PARD3: variants seen among roughly 807,000 people sequenced by gnomAD.
PARD3 encodes the protein par-3 family cell polarity regulator, also known as partitioning defective 3 homolog.
PARD3 carries 75 observed loss-of-function variants against 155.4 expected under a neutral mutation model. The ratio of observed to expected loss-of-function variants is 0.48; its 90% CI spans 0.40 to 0.58. PARD3 has a LOEUF of 0.58. PARD3 is among the 20% of genes least tolerant of loss of function. PARD3 has a pLI of 0.00. For synonymous variants in PARD3, 576 were observed against 610.5 expected (o/e 0.94, Z 0.83); for missense variants, 1,642 against 1,721.7 (o/e 0.95, Z 0.82).
Position 34,351,891 on chromosome 10 carries a change from T to G in PARD3, c.2068-3776A>C, listed in dbSNP as rs544207122. 1.1e-4 allele frequency among the ~76,000 whole-genome samples: 17 copies of G among 152,380 alleles called. No homozygotes were observed. The East Asian group carries it at 2.9e-3, about 26-fold the overall frequency. On this transcript the variant is annotated intron_variant, in intron 14 of 24. Coordinates refer to ENST00000374788, the MANE Select transcript of PARD3 (RefSeq NM_001184785.2). ...GCAAATCATTTGACCTCTTTGCATT[T>G]ATTTCTTAATACAGAAAATGAAGAG... is the stretch of plus-strand genomic sequence containing the variant.
intron 4 of PARD3, among the ~76,000 whole-genome samples, chr10:34,467,333 G>GTGTT (rs1167111843): frequency 7.1e-6 from 1 of 140,594 alleles, no homozygotes; most frequent in Non-Finnish European, 1.5e-5. Flanking sequence ...TCCAACTTGT[G>GTGTT]TGTGTGTGTG....
intron 22 of PARD3, among the ~76,000 whole-genome samples, chr10:34,139,027 T>C (rs1172944778): frequency 6.6e-6 from 1 of 151,916 alleles, no homozygotes; most frequent in Non-Finnish European, 1.5e-5. Context: ...AGTTTTCCCA[T>C]GTACACATCA....
intron 2 of PARD3, among the ~76,000 whole-genome samples, chr10:34,631,514 G>T (rs958867861): frequency 1.3e-5 from 2 of 152,186 alleles, no homozygotes; most frequent in Admixed American, 1.3e-4. Context: ...TGCCTGCCCA[G>T]GTAACTGATG....
chr10:34,750,030 TACACACACACACACACACAC>T (rs71984849), intron 1 of PARD3, among the ~76,000 whole-genome samples: 12 of 140,744 alleles, frequency 8.5e-5, no homozygotes, highest in Non-Finnish European at 1.6e-4. Context: ...TCAAAAAAAG[TACACACACACACACACACAC>T]ACACACACAC....
intron 24 of PARD3, among the ~76,000 whole-genome samples, chr10:34,118,798 T>A (rs1235666266): frequency 6.6e-6 from 1 of 152,264 alleles, no homozygotes; most frequent in East Asian, 1.9e-4. Flanking sequence ...ACTTAAAATA[T>A]GTCTTTGTCA....
intron 5 of PARD3, among the ~76,000 whole-genome samples, chr10:34,416,008 G>C (rs111901406): frequency 6.6e-6 from 1 of 152,074 alleles, no homozygotes; most frequent in Non-Finnish European, 1.5e-5. Flanking sequence ...CTATACACAC[G>C]CTGTTCCTAT....
At chr10:34,202,275 G>C (rs777123088) in intron 22 of PARD3, among the ~76,000 whole-genome samples, 5 of 152,172 alleles carry the variant, frequency 3.3e-5, no homozygotes, top group Admixed American at 1.3e-4. Flanking sequence ...ATCTCACTAT[G>C]TTGCCCAGGC....
chr10:34,462,720 T>C (rs1416770984), intron 4 of PARD3, among the ~76,000 whole-genome samples: 1 of 151,588 alleles, frequency 6.6e-6, no homozygotes, highest in Non-Finnish European at 1.5e-5. Flanking sequence ...ATGCTTGTAG[T>C]CCAAGCTACT....
chr10:34,689,303 T>G (rs1433305067), intron 2 of PARD3, among the ~76,000 whole-genome samples: 1 of 152,196 alleles, frequency 6.6e-6, no homozygotes, highest in Non-Finnish European at 1.5e-5. Context: ...ACACGATCCC[T>G]CAGTCTGAAT....
At chr10:34,139,067 T>C (rs1201078384) in intron 22 of PARD3, among the ~76,000 whole-genome samples, 1 of 152,188 alleles carries the variant, frequency 6.6e-6, no homozygotes, top group Admixed American at 6.5e-5. Context: ...ATAGTTCTGC[T>C]AGCTGCCAAG....
intron 22 of PARD3, among the ~76,000 whole-genome samples, chr10:34,175,584 C>A (rs886490732): frequency 3.3e-5 from 5 of 152,020 alleles, no homozygotes; most frequent in African/African-American, 1.2e-4. Flanking sequence ...ATATTTTCAC[C>A]TGGGGAAAAA....
At chr10:34,369,268 A>C (rs1311324247) in intron 12 of PARD3, among the ~76,000 whole-genome samples, 1 of 152,050 alleles carries the variant, frequency 6.6e-6, no homozygotes, top group Non-Finnish European at 1.5e-5. Flanking sequence ...ATTCCTACCT[A>C]AGCTTTCTGA....
At chr10:34,701,413 G>A (rs2094276750) in intron 1 of PARD3, among the ~76,000 whole-genome samples, 1 of 151,834 alleles carries the variant, frequency 6.6e-6, no homozygotes, top group Non-Finnish European at 1.5e-5. Context: ...GAGAACAGAG[G>A]GAAATGAGGG....
At chr10:34,535,691 G>GT (rs1017655992) in intron 2 of PARD3, among the ~76,000 whole-genome samples, 1 of 151,904 alleles carries the variant, frequency 6.6e-6, no homozygotes, top group African/African-American at 2.4e-5. Context: ...GGCCAGGCTG[G>GT]TCTTCAACTC....
intron 22 of PARD3, among the ~76,000 whole-genome samples, chr10:34,159,949 C>T (rs1445294550): frequency 6.6e-6 from 1 of 152,188 alleles, no homozygotes; most frequent in African/African-American, 2.4e-5. Context: ...GTTATCTTAA[C>T]ATTTTCACCC....
intron 1 of PARD3, among the ~76,000 whole-genome samples, chr10:34,724,027 T>C (rs968667956): frequency 6.6e-6 from 1 of 152,214 alleles, no homozygotes; most frequent in Admixed American, 6.5e-5. Flanking sequence ...TAATTCCTGT[T>C]CACTGCAGAG....
In PARD3 at chr10:34,119,618, C is replaced by A. The variant is rs1200916514; in HGVS notation, c.3663G>T (p.Leu1221=). 4.4e-6 allele frequency: 7 copies of A among 1,601,800 alleles called. No individual in the cohort carries two copies. In the Admixed American group the frequency reaches 5.0e-5, roughly 12 times the overall value. ...SQQAQRQYSS[L]PRQSRKNASS... ...TCGGCCAAGCGTCCTCATACCGAGG[C>A]AGAGAGCTGTACTGGCGCTGGGCCT... Residue 1221 remains leucine, a synonymous_variant, in exon 24 of 25, where the codon CTG becomes CTT. Coordinates refer to ENST00000374788, the MANE Select transcript of PARD3 (RefSeq NM_001184785.2).
chr10:34,675,135 CTTTT>C (rs1332950056), intron 2 of PARD3, among the ~76,000 whole-genome samples: 1 of 152,106 alleles, frequency 6.6e-6, no homozygotes, highest in Non-Finnish European at 1.5e-5. Context: ...AAAAGGAAGT[CTTTT>C]TTAACAGGTA....
chr10:34,622,834 T>TC (rs1023177398), intron 2 of PARD3, among the ~76,000 whole-genome samples: 18 of 147,608 alleles, frequency 1.2e-4, no homozygotes, highest in East Asian at 7.7e-4. Context: ...TTTCTTTTTT[T>TC]TTTTTTTTTT....
Sources: allele counts gnomAD v4.1 joint callset (sites outside exome capture counted in the v4.1 genomes callset), GRCh38; gene constraint gnomAD v4.1.1; transcripts MANE v1.5; gene names NCBI Gene and HGNC (gene_info 2026-07-23, HGNC 2026-07-21).